Variants in LINGO2 observed in about 807,000 individuals in gnomAD.
LINGO2 encodes the protein leucine rich repeat and Ig domain containing 2.
Under a neutral mutation model 30.6 loss-of-function variants are expected in LINGO2, and 14 were observed. The observed-to-expected ratio is 0.46, with a 90% CI of 0.30 to 0.72. LINGO2 has a LOEUF of 0.72. Among genes scored for constraint, LINGO2 ranks in the 30% least tolerant of loss-of-function variants. The pLI is 0.07. For missense variants in LINGO2, 729 were observed against 751.7 expected, an observed-to-expected ratio of 0.97 and a Z score of 0.35; for synonymous variants, 317 against 288.5, an observed-to-expected ratio of 1.10 and a Z score of -1.00.
intron 1 of LINGO2, among the ~76,000 whole-genome samples, chr9:28,554,981 G>T (rs372064534): frequency 4.7e-5 from 6 of 128,826 alleles, no homozygotes; most frequent in African/African-American, 1.7e-4. Flanking sequence ...AGAATCTCTG[G>T]GACGCATTCA....
At chr9:28,978,699 A>G in the LINGO2 span, among the ~76,000 whole-genome samples, 1 of 152,104 alleles carries the variant, frequency 6.6e-6, no homozygotes, top group Admixed American at 6.6e-5. Flanking sequence ...TCTTTCTCCA[A>G]AGCTTTTCTG....
intron 5 of LINGO2, among the ~76,000 whole-genome samples, chr9:28,000,784 T>C (rs1263447780): frequency 6.6e-6 from 1 of 152,206 alleles, no homozygotes; most frequent in East Asian, 1.9e-4. Context: ...CTGCCATATA[T>C]TCTCATAATT....
At chr9:28,529,544 T>C (rs1052960551) in intron 1 of LINGO2, among the ~76,000 whole-genome samples, 3 of 151,954 alleles carry the variant, frequency 2.0e-5, no homozygotes, top group Non-Finnish European at 4.4e-5. Flanking sequence ...TCCCAAGGAT[T>C]TAAAGCCCTA....
chr9:28,867,426 G>A, the LINGO2 span, among the ~76,000 whole-genome samples: 9 of 150,194 alleles, frequency 6.0e-5, no homozygotes, highest in Non-Finnish European at 1.2e-4. Flanking sequence ...ACAATAATAA[G>A]CAAGTGCTAG....
chr9:28,809,007 A>G, the LINGO2 span, among the ~76,000 whole-genome samples: 2 of 152,180 alleles, frequency 1.3e-5, no homozygotes, highest in African/African-American at 4.8e-5. Flanking sequence ...ATGTATTTTT[A>G]TCATTATACT....
intron 2 of LINGO2, among the ~76,000 whole-genome samples, chr9:28,387,438 A>G (rs1821631374): frequency 6.6e-6 from 1 of 152,234 alleles, no homozygotes; most frequent in Non-Finnish European, 1.5e-5. Context: ...GAAGGGCCAA[A>G]TAAGTGAATA....
the LINGO2 span, among the ~76,000 whole-genome samples, chr9:28,991,673 G>A: frequency 6.6e-6 from 1 of 151,078 alleles, no homozygotes; most frequent in Admixed American, 6.6e-5. Flanking sequence ...TCTCTCGGCA[G>A]AAACTCTACA....
chr9:29,072,025 T>G, the LINGO2 span, among the ~76,000 whole-genome samples: 3 of 152,126 alleles, frequency 2.0e-5, no homozygotes, highest in Non-Finnish European at 4.4e-5. Flanking sequence ...ATAGAGTGAT[T>G]AAAATCATGG....
At chr9:28,997,765 G>C in the LINGO2 span, among the ~76,000 whole-genome samples, 2 of 152,062 alleles carry the variant, frequency 1.3e-5, no homozygotes, top group African/African-American at 2.4e-5. Flanking sequence ...ACAGCTTGCA[G>C]TGAGCCGAGA....
At chr9:28,596,055 CAG>C (rs1825160040) in intron 1 of LINGO2, among the ~76,000 whole-genome samples, 1 of 152,068 alleles carries the variant, frequency 6.6e-6, no homozygotes, top group African/African-American at 2.4e-5. Context: ...CACAAAGAAA[CAG>C]AAAGGCTAAT....
chr9:28,536,333 C>G (rs567553347), intron 1 of LINGO2, among the ~76,000 whole-genome samples: 3 of 152,150 alleles, frequency 2.0e-5, no homozygotes, highest in African/African-American at 7.2e-5. Flanking sequence ...ATTTTTACCC[C>G]TTACATAAAC....
chr9:28,719,212 T>A, the LINGO2 span, among the ~76,000 whole-genome samples: 7 of 152,076 alleles, frequency 4.6e-5, no homozygotes, highest in Non-Finnish European at 8.8e-5. Context: ...GCACACTCCT[T>A]GATTCTACCC....
the LINGO2 span, among the ~76,000 whole-genome samples, chr9:29,071,064 A>G: frequency 2.8e-4 from 42 of 150,778 alleles, no homozygotes; most frequent in Admixed American, 5.3e-4. Context: ...AGACCCATAC[A>G]TATTATATCT....
chr9:28,072,942 T>C (rs1008721333), intron 4 of LINGO2, among the ~76,000 whole-genome samples: 2 of 152,062 alleles, frequency 1.3e-5, no homozygotes, highest in East Asian at 1.9e-4. Context: ...TGTTCAGGCC[T>C]GTCTTCCCTC....
At chr9:27,975,934 T>C (rs187353637) in intron 5 of LINGO2, among the ~76,000 whole-genome samples, 90 of 152,212 alleles carry the variant, frequency 5.9e-4, no homozygotes, top group African/African-American at 2.1e-3. Context: ...TAATCAAACT[T>C]GGTGATTATA....
chr9:27,992,849 A>G (rs1045691102), intron 5 of LINGO2, among the ~76,000 whole-genome samples: 2 of 152,106 alleles, frequency 1.3e-5, no homozygotes, highest in African/African-American at 4.8e-5. Context: ...GGATCTTACC[A>G]AACTAATAGG....
intron 2 of LINGO2, among the ~76,000 whole-genome samples, chr9:28,434,359 AAAG>A (rs1823827308): frequency 6.6e-6 from 1 of 151,478 alleles, no homozygotes; most frequent in African/African-American, 2.4e-5. Context: ...GAAAAAAAAA[AAAG>A]AGAGAAGAGT....
At chr9:28,564,304 C>T (rs1419243541) in intron 1 of LINGO2, among the ~76,000 whole-genome samples, 3 of 152,016 alleles carry the variant, frequency 2.0e-5, no homozygotes, top group African/African-American at 2.4e-5. Context: ...TAGAGTCATA[C>T]ATAAGAAATC....
At chr9:28,088,240 A>G (rs539472196) in intron 4 of LINGO2, among the ~76,000 whole-genome samples, 2 of 149,222 alleles carry the variant, frequency 1.3e-5, no homozygotes, top group South Asian at 4.3e-4. Context: ...ACACACACAT[A>G]TAATGGTTTA....
Sources: allele counts gnomAD v4.1 joint callset (sites outside exome capture counted in the v4.1 genomes callset), GRCh38; gene constraint gnomAD v4.1.1; transcripts MANE v1.5; gene names NCBI Gene and HGNC (gene_info 2026-07-23, HGNC 2026-07-21).